The following MAML2 variants were observed in gnomAD, a reference collection of about 807,000 sequenced individuals.
The protein encoded by MAML2 is mastermind-like protein 2.
Under a neutral mutation model 96.1 loss-of-function variants are expected in MAML2, and 22 were observed. The ratio of observed to expected loss-of-function variants is 0.23; its 90% confidence interval spans 0.16 to 0.33. The LOEUF is 0.33. Among genes scored for constraint, MAML2 ranks in the 10% least tolerant of loss-of-function variants. The pLI is 1.00. For missense variants in MAML2, 1,367 were observed against 1,392.4 expected (o/e 0.98, Z 0.29); for synonymous variants, 561 against 521.3 (o/e 1.08, Z -1.04).
intron 1 of MAML2, among the ~76,000 whole-genome samples, chr11:96,338,267 T>G (rs1863944381): frequency 6.6e-6 from 1 of 152,238 alleles, no homozygotes; most frequent in East Asian, 1.9e-4. Context: ...TCCAAGTGGT[T>G]AGAAATGCAG....
At chr11:96,331,734 C>T (rs1009549617) in intron 1 of MAML2, among the ~76,000 whole-genome samples, 15 of 150,622 alleles carry the variant, frequency 1.0e-4, no homozygotes, top group South Asian at 2.1e-4. Context: ...AGGGGAATCA[C>T]GCGAACCCAG....
At chr11:96,333,458 GT>G (rs139783823) in intron 1 of MAML2, among the ~76,000 whole-genome samples, 10,031 of 152,128 alleles carry the variant, frequency 0.066, 415 homozygotes, top group African/African-American at 0.1. Context: ...GAGACTATTT[GT>G]TTTCTAATCC....
intron 2 of MAML2, among the ~76,000 whole-genome samples, chr11:96,069,593 C>A (rs1231187582): frequency 6.6e-6 from 1 of 152,144 alleles, no homozygotes; most frequent in Non-Finnish European, 1.5e-5. Flanking sequence ...GGGAGGATCA[C>A]TAGAGCCCAG....
intron 1 of MAML2, among the ~76,000 whole-genome samples, chr11:96,179,200 C>T (rs867778637): frequency 2.1e-4 from 32 of 152,088 alleles, no homozygotes; most frequent in African/African-American, 6.5e-4. Flanking sequence ...TGGTTCACCC[C>T]GGCTCATTAT....
intron 1 of MAML2, among the ~76,000 whole-genome samples, chr11:96,277,228 AT>A (rs968121479): frequency 2.6e-5 from 4 of 151,468 alleles, no homozygotes; most frequent in Non-Finnish European, 4.4e-5. Context: ...CTGTATCTCG[AT>A]TTTTTTTTCT....
At chr11:96,034,456 A>AGAGAGTGTGTGT (rs766634690) in intron 2 of MAML2, among the ~76,000 whole-genome samples, 157 of 144,826 alleles carry the variant, frequency 1.1e-3, no homozygotes, top group African/African-American at 3.7e-3. Context: ...AGAGAGAGAG[A>AGAGAGTGTGTGT]GTGTGTGTGT....
intron 2 of MAML2, among the ~76,000 whole-genome samples, chr11:96,055,411 G>C (rs1008221009): frequency 7.9e-5 from 12 of 152,134 alleles, no homozygotes; most frequent in Admixed American, 7.9e-4. Context: ...CCTCCTCTAA[G>C]AGAGGAAAGA....
At chr11:96,309,928 C>T (rs918420415) in intron 1 of MAML2, among the ~76,000 whole-genome samples, 11 of 151,946 alleles carry the variant, frequency 7.2e-5, no homozygotes, top group Non-Finnish European at 1.5e-5. Flanking sequence ...GTCTTAAACT[C>T]CTGGACTCAA....
intron 1 of MAML2, among the ~76,000 whole-genome samples, chr11:96,137,921 T>C (rs2135862788): frequency 6.6e-6 from 1 of 152,306 alleles, no homozygotes; most frequent in Non-Finnish European, 1.5e-5. Context: ...AATTCCCCCT[T>C]TCCATCCTTT....
intron 1 of MAML2, among the ~76,000 whole-genome samples, chr11:96,266,075 C>A (rs533775672): frequency 2.0e-4 from 31 of 152,148 alleles, no homozygotes; most frequent in Non-Finnish European, 4.0e-4. Flanking sequence ...AAGCTGTAAA[C>A]ATTCACCCCT....
chr11:96,263,078 GCATGA>G (rs1862773726), intron 1 of MAML2, among the ~76,000 whole-genome samples: 1 of 152,190 alleles, frequency 6.6e-6, no homozygotes, highest in Non-Finnish European at 1.5e-5. Flanking sequence ...GTTGAGAACA[GCATGA>G]CATTGTAATA....
intron 1 of MAML2, among the ~76,000 whole-genome samples, chr11:96,168,056 C>CATAT (rs538321568): frequency 1.1e-3 from 160 of 152,258 alleles, no homozygotes; most frequent in Non-Finnish European, 1.8e-3. Flanking sequence ...AAGAGTATAT[C>CATAT]ATATAGTAGT....
chr11:96,168,767 A>C (rs1277854025), intron 1 of MAML2, among the ~76,000 whole-genome samples: 1 of 152,186 alleles, frequency 6.6e-6, no homozygotes, highest in Admixed American at 6.5e-5. Context: ...TCCATGGAAG[A>C]ACATCAGGGA....
chr11:96,191,480 AT>A (rs201150022), intron 1 of MAML2, among the ~76,000 whole-genome samples: 22,974 of 135,654 alleles, frequency 0.17, 2,183 homozygotes, highest in African/African-American at 0.22. Flanking sequence ...AATAACAATA[AT>A]AAAAAAAAAA....
intron 1 of MAML2, among the ~76,000 whole-genome samples, chr11:96,169,711 G>A (rs12225405): frequency 1.3e-5 from 2 of 148,658 alleles, no homozygotes; most frequent in African/African-American, 2.5e-5. Flanking sequence ...CTGGAATGCA[G>A]TGGCGTGATC....
chr11:96,293,447 A>T (rs1314589070), intron 1 of MAML2, among the ~76,000 whole-genome samples: 1 of 152,226 alleles, frequency 6.6e-6, no homozygotes, highest in Non-Finnish European at 1.5e-5. Flanking sequence ...TAAGGGCATA[A>T]GGTTGCATTT....
intron 1 of MAML2, among the ~76,000 whole-genome samples, chr11:96,265,590 C>A (rs576375709): frequency 3.7e-4 from 56 of 152,262 alleles, no homozygotes; most frequent in African/African-American, 1.2e-3. Flanking sequence ...TTCCCAAGAC[C>A]ACCCAGGCCC....
At chr11:96,070,458 G>C (rs560534825) in intron 2 of MAML2, among the ~76,000 whole-genome samples, 17 of 152,198 alleles carry the variant, frequency 1.1e-4, no homozygotes, top group Non-Finnish European at 2.2e-4. Context: ...CCCTCTTTGG[G>C]GTCCTGCGGT....
intron 1 of MAML2, among the ~76,000 whole-genome samples, chr11:96,243,841 G>C (rs572356651): frequency 6.6e-6 from 1 of 152,166 alleles, no homozygotes; most frequent in Admixed American, 6.5e-5. Flanking sequence ...TTTTAGTAGA[G>C]AAAGGGTTTC....
Sources: allele counts gnomAD v4.1 joint callset (sites outside exome capture counted in the v4.1 genomes callset), GRCh38; gene constraint gnomAD v4.1.1; transcripts MANE v1.5; gene names NCBI Gene and HGNC (gene_info 2026-07-23, HGNC 2026-07-21).